The following CFAP77 variants were observed in gnomAD, a reference collection of about 807,000 sequenced individuals.
The protein encoded by CFAP77 is cilia and flagella associated protein 77.
In CFAP77, 25 loss-of-function variants were observed where a neutral mutation model predicts 31.1. The observed-to-expected ratio is 0.80, with a 90% CI of 0.59 to 1.12. The LOEUF is 1.12. Ranked by LOEUF, CFAP77 falls within the 50% of genes most tolerant of loss-of-function variation. The pLI is 0.00. For missense variants in CFAP77, 377 were observed against 397.3 expected, an observed-to-expected ratio of 0.95 and a Z score of 0.44; for synonymous variants, 151 against 159.9, an observed-to-expected ratio of 0.94 and a Z score of 0.42.
chr9:132,563,472 G>A (rs1829849575), intron 5 of CFAP77, among the ~76,000 whole-genome samples: 1 of 152,248 alleles, frequency 6.6e-6, no homozygotes, highest in African/African-American at 2.4e-5. Context: ...AGTGTCCACT[G>A]TAGTGGATGC....
intron 5 of CFAP77, among the ~76,000 whole-genome samples, chr9:132,561,490 C>T (rs1208641616): frequency 1.3e-5 from 2 of 151,876 alleles, no homozygotes; most frequent in Admixed American, 6.6e-5. Flanking sequence ...CTCAGCTGCC[C>T]TGGCAGTGGG....
intron 5 of CFAP77, among the ~76,000 whole-genome samples, chr9:132,551,503 C>T (rs942662199): frequency 2.0e-5 from 3 of 152,056 alleles, no homozygotes; most frequent in African/African-American, 7.2e-5. Context: ...GCCATGTTGG[C>T]CAGGCTGGTC....
chr9:132,457,665 C>T (rs1416000103), intron 1 of CFAP77, among the ~76,000 whole-genome samples: 1 of 152,222 alleles, frequency 6.6e-6, no homozygotes, highest in Non-Finnish European at 1.5e-5. Context: ...CTTTTTATGT[C>T]TGCACGCGTG....
At chr9:132,541,585 G>A (rs919641226) in intron 4 of CFAP77, among the ~76,000 whole-genome samples, 15 of 152,164 alleles carry the variant, frequency 9.9e-5, no homozygotes, top group Non-Finnish European at 1.5e-4. Flanking sequence ...TTAGCTGGGC[G>A]TGGTGGTGGT....
At chr9:132,486,700 G>T (rs979074579) in intron 1 of CFAP77, among the ~76,000 whole-genome samples, 5 of 152,266 alleles carry the variant, frequency 3.3e-5, no homozygotes, top group African/African-American at 7.2e-5. Flanking sequence ...ACTCCGAGCG[G>T]ATGCATCCCC....
At chr9:132,543,719 C>T (rs887832661) in intron 5 of CFAP77, among the ~76,000 whole-genome samples, 1 of 152,132 alleles carries the variant, frequency 6.6e-6, no homozygotes, top group Non-Finnish European at 1.5e-5. Flanking sequence ...GGCAAGTGTG[C>T]GACACGTACC....
chr9:132,442,219 G>A (rs758686697), intron 1 of CFAP77, among the ~76,000 whole-genome samples: 16 of 152,110 alleles, frequency 1.1e-4, no homozygotes, highest in African/African-American at 2.9e-4. Context: ...AATGGCATTC[G>A]CATCTTGATG....
intron 1 of CFAP77, among the ~76,000 whole-genome samples, chr9:132,447,048 C>T: frequency 6.6e-6 from 1 of 152,108 alleles, no homozygotes; most frequent in African/African-American, 2.4e-5. Context: ...AGCCACTGGG[C>T]CTGCCCAGTT....
At chr9:132,439,721 C>A (rs142198829) in intron 1 of CFAP77, among the ~76,000 whole-genome samples, 2 of 151,804 alleles carry the variant, frequency 1.3e-5, no homozygotes, top group East Asian at 3.9e-4. Flanking sequence ...TGGTGGCGGG[C>A]GCCTGTAGTC....
chr9:132,442,051 C>T (rs912036825), intron 1 of CFAP77, among the ~76,000 whole-genome samples: 2 of 152,144 alleles, frequency 1.3e-5, no homozygotes, highest in Non-Finnish European at 2.9e-5. Flanking sequence ...TTATTTGGCA[C>T]CTACTACTAT....
Position 132,511,707 on chromosome 9 carries a change from T to C in CFAP77, c.524+12107T>C, listed in dbSNP as rs777057152. Reference sequence around the variant, plus strand: ...ACAGGAGCTGTTGAAAATCATCGTTTGTTAATTTCCTGGGGTTTCTGAAAC... The same window carrying C: ...ACAGGAGCTGTTGAAAATCATCGTTCGTTAATTTCCTGGGGTTTCTGAAAC... On this transcript the variant is annotated intron_variant, in intron 3 of 5. Coordinates refer to ENST00000393216, the MANE Select transcript of CFAP77 (RefSeq NM_001282957.2). The surrounding 1 kb of genome is among the most constrained non-coding windows in gnomAD (Gnocchi z 5.8). 5.3e-5 allele frequency among the ~76,000 whole-genome samples: 8 copies of C among 152,256 alleles called. No individual in the cohort carries two copies. Among genetic ancestry groups the C allele is most frequent in the Non-Finnish European group, 1.2e-4 (8 of 68,044 alleles).
chr9:132,556,182 C>T (rs558958994), intron 5 of CFAP77, among the ~76,000 whole-genome samples: 2 of 152,318 alleles, frequency 1.3e-5, no homozygotes, highest in African/African-American at 2.4e-5. Context: ...CTCTAGGGGC[C>T]GTCCCATTCA....
intron 1 of CFAP77, among the ~76,000 whole-genome samples, chr9:132,438,467 T>G (rs1850548509): frequency 6.7e-6 from 1 of 148,438 alleles, no homozygotes; most frequent in South Asian, 2.1e-4. Flanking sequence ...CACATAAAAA[T>G]TTCCAAGATA....
intron 1 of CFAP77, among the ~76,000 whole-genome samples, chr9:132,486,328 G>T (rs1851558430): frequency 6.6e-6 from 1 of 151,204 alleles, no homozygotes; most frequent in Non-Finnish European, 1.5e-5. Flanking sequence ...TCCAGACCTC[G>T]TGATCCGCCC....
chr9:132,417,927 A>C (rs1185376999), intron 1 of CFAP77, among the ~76,000 whole-genome samples: 1 of 152,096 alleles, frequency 6.6e-6, no homozygotes, highest in African/African-American at 2.4e-5. Flanking sequence ...CACCCACCTC[A>C]TCTCTTGTTT....
At chr9:132,445,000 G>T (rs1182059306) in intron 1 of CFAP77, among the ~76,000 whole-genome samples, 5 of 148,308 alleles carry the variant, frequency 3.4e-5, no homozygotes, top group Middle Eastern at 3.4e-3. Context: ...TTTAGACAGG[G>T]TCTCACTCTG....
chr9:132,523,414 C>T (rs183597503), intron 3 of CFAP77, among the ~76,000 whole-genome samples: 188 of 152,296 alleles, frequency 1.2e-3, no homozygotes, highest in African/African-American at 4.3e-3. Context: ...CATCCACCCA[C>T]GTTTGTGCAG....
chr9:132,484,012 C>T (rs937735636), intron 1 of CFAP77, among the ~76,000 whole-genome samples: 3 of 150,760 alleles, frequency 2.0e-5, no homozygotes, highest in South Asian at 2.1e-4. Context: ...TCTCGGCTCA[C>T]TGAAACCTCC....
intron 1 of CFAP77, among the ~76,000 whole-genome samples, chr9:132,491,009 G>A (rs1269298097): frequency 2.0e-5 from 3 of 152,098 alleles, no homozygotes; most frequent in Non-Finnish European, 4.4e-5. Context: ...GCATGGGTGT[G>A]TGTGTGGGTG....
Sources: allele counts gnomAD v4.1 joint callset (sites outside exome capture counted in the v4.1 genomes callset), GRCh38; gene constraint gnomAD v4.1.1; non-coding constraint Gnocchi (gnomAD v3.1); transcripts MANE v1.5; gene names NCBI Gene and HGNC (gene_info 2026-07-23, HGNC 2026-07-21).